Variants in ABCC8 observed in about 807,000 individuals in gnomAD.
ABCC8 encodes ATP binding cassette subfamily C member 8.
In ABCC8, 137 loss-of-function variants were observed where a neutral mutation model predicts 188.0. That is an observed-to-expected ratio of 0.73 (90% CI 0.63 to 0.84). The LOEUF (loss-of-function observed/expected upper bound fraction) is 0.84, where lower values mean the gene tolerates loss of function less well. ABCC8 is among the 40% of genes least tolerant of loss of function. ABCC8 has a pLI of 0.00. For synonymous variants in ABCC8, 797 were observed against 846.5 expected (o/e 0.94, Z 1.01); for missense variants, 1,750 against 2,072.7 (o/e 0.84, Z 3.02).
intron 5 of ABCC8, chr11:17,461,258 A>G: frequency 2.3e-6 from 1 of 433,344 alleles, no homozygotes; most frequent in Non-Finnish European, 4.3e-6. Flanking sequence ...TATAGTCAGT[A>G]AGCTGCAGAG....
intron 6 of ABCC8, 143 bp from the exon 7 acceptor site, chr11:17,453,426 G>T: frequency 8.6e-7 from 1 of 1,156,576 alleles, no homozygotes; most frequent in Non-Finnish European, 1.2e-6. Context: ...TTGTTTATGA[G>T]TGAAAAATCA....
At chr11:17,460,441 T>G in intron 6 of ABCC8, 47 bp downstream of exon 6, 1 of 1,613,160 alleles carries the variant, frequency 6.2e-7, no homozygotes, top group South Asian at 1.1e-5. Flanking sequence ...CAGAAACAAC[T>G]GAAAACCATC....
chr11:17,450,260 C>CTCTTTCTT (rs58452277), intron 7 of ABCC8, among the ~76,000 whole-genome samples: 1,196 of 67,418 alleles, frequency 0.018, 28 homozygotes, highest in Admixed American at 0.057. Context: ...TTCTTTCTTT[C>CTCTTTCTT]TCTTTCTTTC....
Position 17,397,044 on chromosome 11 carries a change from G to A in ABCC8, c.3991C>T (p.Pro1331Ser), listed in dbSNP as rs1170587370. The change falls in exon 33 of 39, where the codon CCA (proline) becomes TCA (serine). Residue 1331 changes from proline (P) to serine (S), a missense_variant and splice_region_variant. Physicochemically the swap from Pro to Ser is moderately conservative, Grantham distance 74. Transcript: ENST00000389817. ...EAESYEGLLA[P>S]SLIPKNWPDQ... ...GGCCAGTTCTTTGGGATCAGCGATG[G>A]TGCTGGGGGCCGGGCTGGGCTCAGC... is the stretch of plus-strand genomic sequence containing the variant. 1 of 1,614,054 alleles carries A rather than the reference G, an allele frequency of 6.2e-7. No individual in the cohort carries two copies. Among genetic ancestry groups the A allele is most frequent in the Non-Finnish European group, 8.5e-7 (1 of 1,180,012 alleles).
chr11:17,434,981 TCG>T (rs1554928874), intron 10 of ABCC8, among the ~76,000 whole-genome samples: 58 of 127,862 alleles, frequency 4.5e-4, no homozygotes, highest in African/African-American at 1.6e-3. Context: ...CTGCGTGTGT[TCG>T]CGTGTGTGTG....
rs1271038564 is a variant in ABCC8 at position 17,448,721 on chromosome 11, TCAC to T, written c.1177-53_1177-51del. 3.1e-6 allele frequency: 5 copies of T among 1,613,360 alleles called. No individual in the cohort carries two copies. The highest frequency in any genetic ancestry group is 3.3e-5 in the Admixed American group (2 of 59,984). ...ACATTCATCATCATTCTCATCATCATCACCACACCAGATGCCACCTGTTACAGT... is the reference window on the plus strand; with the variant it reads ...ACATTCATCATCATTCTCATCATCATCACACCAGATGCCACCTGTTACAGT... On this transcript the variant is annotated intron_variant, in intron 7 of 38. Transcript: ENST00000389817.
In ABCC8 at chr11:17,404,507, A is replaced by G. The variant is rs1333056870; in HGVS notation, c.3557+5T>C. The G allele has an allele frequency of 1.9e-6, 3 of 1,613,724 alleles. No homozygotes were observed. Among genetic ancestry groups the G allele is most frequent in the South Asian group, 2.2e-5 (2 of 91,068 alleles). ...CCTCCCACCCCTCACCCCTGAGGCC[A>G]TCACCTGGACGCCACCCGGAAGTAC... On this transcript the variant is annotated splice_donor_5th_base_variant and intron_variant, in intron 28 of 38. Coordinates refer to ENST00000389817, the MANE Select transcript of ABCC8 (RefSeq NM_000352.6). This position sits in a 1 kb window ranked among gnomAD's most constrained non-coding sequence, Gnocchi z 4.7.
chr11:17,462,834 C>T (rs551992412), intron 4 of ABCC8, among the ~76,000 whole-genome samples: 88 of 152,246 alleles, frequency 5.8e-4, no homozygotes, highest in South Asian at 1.5e-3. Flanking sequence ...AAGATAAATA[C>T]CGTGGGGGAA....
intron 2 of ABCC8, among the ~76,000 whole-genome samples, chr11:17,472,106 CT>C (rs924436491): frequency 1.3e-5 from 2 of 151,758 alleles, no homozygotes; most frequent in East Asian, 1.9e-4. Context: ...GATATAAATG[CT>C]TTTTTTTGCA....
rs1197727489 is a variant in ABCC8, at chr11:17,417,626, ATATAC to A, written c.2223-669_2223-665del. On this transcript the variant is annotated intron_variant, in intron 16 of 38. Transcript: ENST00000389817. ...AGAAGCAGCCCCTTGCCAATGAAAT[ATATAC>A]TTCTGACATGAACATTTGGGGGAAA... Among the ~76,000 whole-genome samples the A allele has an allele frequency of 7.2e-5, 11 of 152,290 alleles. No homozygotes were observed. The South Asian group carries it at 1.0e-3, about 14-fold the overall frequency.
rs1015036344 is a variant in ABCC8, at chr11:17,392,911, A to G, written c.*80T>C. 6.7e-7 allele frequency: 1 copy of G among 1,488,406 alleles called. No homozygotes were observed. The highest frequency in any genetic ancestry group is 1.4e-5 in the African/African-American group (1 of 72,564). 92.2% of individuals were successfully genotyped at this position (1,488,406 alleles called of 1,614,324 possible). On this transcript the variant is annotated 3_prime_UTR_variant, in exon 39 of 39. Transcript: ENST00000389817. ...AGGAAATAATCAAATCTATTTATTT[A>G]CAAGTGATTTACAGTTAGAAAACCC...
chr11:17,458,098 C>A (rs993429019), intron 6 of ABCC8, among the ~76,000 whole-genome samples: 3 of 152,186 alleles, frequency 2.0e-5, no homozygotes, highest in African/African-American at 7.2e-5. Context: ...AGCCACATCC[C>A]AGGCAACCAC....
chr11:17,414,733 A>C (rs1423959116), intron 18 of ABCC8, 123 bp from the exon 19 acceptor site: 2 of 1,527,874 alleles, frequency 1.3e-6, no homozygotes, highest in African/African-American at 2.7e-5. Flanking sequence ...AGTTGGTAGA[A>C]ATCTGCTTAG....
chr11:17,460,778 C>T lies in ABCC8; in HGVS notation c.823-102G>A. The T allele has an allele frequency of 3.2e-6, 5 of 1,562,108 alleles. No homozygotes were observed. The South Asian group carries it at 4.6e-5, about 14-fold the overall frequency. On this transcript the variant is annotated intron_variant, in intron 5 of 38. Coordinates refer to ENST00000389817, the MANE Select transcript of ABCC8 (RefSeq NM_000352.6). ...CTAGCTCCTGTTGTCTGGGGAAACCCAGTGGTCACATCCTCTGCAAATAGG... is the reference window on the plus strand; with the variant it reads ...CTAGCTCCTGTTGTCTGGGGAAACCTAGTGGTCACATCCTCTGCAAATAGG...
chr11:17,414,137 C>T (rs763557068), intron 19 of ABCC8, among the ~76,000 whole-genome samples: 1 of 152,208 alleles, frequency 6.6e-6, no homozygotes, highest in Admixed American at 6.5e-5. Flanking sequence ...CGGCACTGTG[C>T]CTGGTATGTA....
At chr11:17,419,843 G>A (rs1210801290) in intron 16 of ABCC8, among the ~76,000 whole-genome samples, 1 of 152,202 alleles carries the variant, frequency 6.6e-6, no homozygotes, top group Non-Finnish European at 1.5e-5. Flanking sequence ...AATCCCAGAG[G>A]CTTTTCCACT....
At chr11:17,459,762 C>T (rs1054333231) in intron 6 of ABCC8, among the ~76,000 whole-genome samples, 19 of 152,308 alleles carry the variant, frequency 1.2e-4, no homozygotes, top group Admixed American at 9.2e-4. Flanking sequence ...GCCCAGCCCC[C>T]GAAGTGGATG....
At chr11:17,428,435 T>C (rs1955694229) in intron 13 of ABCC8, 30 bp from the exon 14 acceptor site, 1 of 1,608,620 alleles carries the variant, frequency 6.2e-7, no homozygotes, top group African/African-American at 1.3e-5. Flanking sequence ...GAGGACCCAC[T>C]GGGCTGGGAG....
chr11:17,430,605 T>G, intron 12 of ABCC8: 1 of 665,128 alleles, frequency 1.5e-6, no homozygotes. Context: ...TCCTGGGAGG[T>G]ATGTAAGCAA....
Sources: gnomAD v4.1 joint callset for allele counts (sites outside exome capture counted in the v4.1 genomes callset) on GRCh38, gnomAD v4.1.1 for gene constraint, Gnocchi (gnomAD v3.1) non-coding constraint, MANE v1.5 for transcripts, NCBI Gene and HGNC (gene_info 2026-07-23, HGNC 2026-07-21) for gene names.